The following TRIM23 variants were observed in gnomAD, a reference collection of about 807,000 sequenced individuals.
TRIM23 encodes the protein tripartite motif containing 23.
Under a neutral mutation model 71.0 loss-of-function variants are expected in TRIM23, and 27 were observed. That is an observed-to-expected ratio of 0.38 (90% CI 0.28 to 0.52). The LOEUF (loss-of-function observed/expected upper bound fraction) is 0.52. TRIM23 is among the 20% of genes least tolerant of loss of function. The pLI, the probability that TRIM23 is intolerant of heterozygous loss-of-function variation, is 0.84. For synonymous variants in TRIM23, 234 were observed against 238.0 expected (o/e 0.98, Z 0.16); for missense variants, 482 against 692.3 (o/e 0.70, Z 3.41).
chr5:65,624,327 CG>C lies in TRIM23; in HGVS notation c.-54del. The C allele has an allele frequency of 1.3e-6, 2 of 1,594,572 alleles. No homozygotes were observed. Among genetic ancestry groups the C allele is most frequent in the Non-Finnish European group, 8.5e-7 (1 of 1,171,420 alleles). ...GCCTTCAGAGTCCTCAACTGAGAGG[CG>C]GGGTTGAGCCACCTACCCAGAGGCC... On this transcript the variant is annotated 5_prime_UTR_variant, in exon 1 of 11. Transcript: ENST00000231524.
chr5:65,604,991 A>C lies in TRIM23; in HGVS notation c.1099T>G (p.Leu367Val). The change falls in exon 7 of 11, where the codon TTG becomes GTG. Residue 367 changes from leucine to valine, a missense_variant. Transcript: ENST00000231524. ...GTAAACTGCTGCTGCTGTTTCTGCA[A>C]TGTTTCCAGTAACCTTGTAATTTCC... is the stretch of plus-strand genomic sequence containing the variant. ...KQEITRLLET[L>V]QKQQQQFTEV... 1 of 1,614,002 alleles carries C rather than the reference A, an allele frequency of 6.2e-7. No homozygotes were observed. The highest frequency in any genetic ancestry group is 8.5e-7 in the Non-Finnish European group (1 of 1,179,958).
intron 7 of TRIM23, 88 bp downstream of exon 7, chr5:65,604,823 G>A: frequency 7.8e-7 from 1 of 1,276,116 alleles, no homozygotes; most frequent in Non-Finnish European, 1.0e-6. Flanking sequence ...TGAATTTCAT[G>A]GTTGTCTCTT....
chr5:65,600,369 A>G (rs1433628283), intron 7 of TRIM23, among the ~76,000 whole-genome samples: 2 of 152,194 alleles, frequency 1.3e-5, no homozygotes, highest in African/African-American at 4.8e-5. Flanking sequence ...ACCCTCAGGA[A>G]TAGGGTCACA....
chr5:65,611,575 TC>T (rs762057783), intron 4 of TRIM23, 27 bp downstream of exon 4: 137 of 1,601,156 alleles, frequency 8.6e-5, no homozygotes, highest in Non-Finnish European at 1.1e-4. Flanking sequence ...GCTACAGTGA[TC>T]CAACTGATTA....
intron 6 of TRIM23, among the ~76,000 whole-genome samples, chr5:65,605,905 G>A (rs1354805295): frequency 3.3e-5 from 5 of 152,216 alleles, no homozygotes; most frequent in South Asian, 4.2e-4. Context: ...CATGCCCTAC[G>A]TACAATCTGT....
chr5:65,622,263 T>C (rs1298024299), intron 1 of TRIM23, among the ~76,000 whole-genome samples: 1 of 152,210 alleles, frequency 6.6e-6, no homozygotes, highest in African/African-American at 2.4e-5. Flanking sequence ...CCTCCTGGGT[T>C]CAAGTGATTC....
Position 65,590,594 on chromosome 5 carries a change from C to A in TRIM23, c.*1175G>T. On this transcript the variant is annotated 3_prime_UTR_variant, in exon 11 of 11. Coordinates refer to ENST00000231524, the MANE Select transcript of TRIM23 (RefSeq NM_001656.4). ...TACCTATTTAAATAAATCGTGCTTC[C>A]ATAATAATATTCTTTAAAAATGAAA... 2 of 1,012,182 alleles carry A rather than the reference C, an allele frequency of 2.0e-6. No individual in the cohort carries two copies. Among genetic ancestry groups the A allele is most frequent in the African/African-American group, 1.7e-5 (1 of 58,644 alleles). The allele number at this position is 1,012,182 out of a possible 1,614,324, so 62.7% of individuals were successfully genotyped here.
At chr5:65,592,088 T>G (rs154856) in intron 10 of TRIM23, 140 bp from the exon 11 acceptor site, 467,583 of 746,668 alleles carry the variant, frequency 0.63, 148,755 homozygotes, top group South Asian at 0.66. Flanking sequence ...TCAGTAATTA[T>G]TCTGAGATTA....
Position 65,621,676 on chromosome 5 carries a change from T to C in TRIM23, c.81+2518A>G, listed in dbSNP as rs140271946. ...CAAGAAAATATTTCCTCAGTATCTA[T>C]AAATAGGAATTGTGGTTAACAGCAA... On this transcript the variant is annotated intron_variant, in intron 1 of 10. Transcript: ENST00000231524. Among the ~76,000 whole-genome samples, 1,138 of 152,240 alleles carry C rather than the reference T, an allele frequency of 7.5e-3. 6 individuals carry two copies. Among genetic ancestry groups the C allele is most frequent in the Non-Finnish European group, 0.012 (816 of 68,014 alleles).
chr5:65,611,641 A>G lies in TRIM23; in HGVS notation c.607T>C (p.Cys203Arg). 6.2e-7 allele frequency: 1 copy of G among 1,614,198 alleles called. No homozygotes were observed. Among genetic ancestry groups the G allele is most frequent in the Non-Finnish European group, 8.5e-7 (1 of 1,180,028 alleles). Residue 203 changes from cysteine to arginine, a missense_variant, in exon 4 of 11, where the codon TGT (cysteine) becomes CGT (arginine). Physicochemically the swap from Cys to Arg is radical, Grantham distance 180 (BLOSUM62 -3). Coordinates refer to ENST00000231524, the MANE Select transcript of TRIM23 (RefSeq NM_001656.4). ...EGCQTSPLMC[C>R]VCKEYGKHQG... is the part of the protein sequence containing the mutation. Reference sequence around the variant, plus strand: ...TGTTTTCCATATTCTTTGCAGACACAGCACATGAGTGGGCTAGTTTGACAA... The same window carrying G: ...TGTTTTCCATATTCTTTGCAGACACGGCACATGAGTGGGCTAGTTTGACAA...
rs1481340105 is a variant in TRIM23 at position 65,624,283 on chromosome 5, G to A, written c.-9C>T. On this transcript the variant is annotated 5_prime_UTR_variant, in exon 1 of 11. Transcript: ENST00000231524. ...ACAACCAGGGTAGCCATCCTCGCAG[G>A]GGAAGCGCCACAGAAACAGCCTTCA... 1.9e-6 allele frequency: 3 copies of A among 1,613,820 alleles called. No homozygotes were observed. The highest frequency in any genetic ancestry group is 2.2e-5 in the South Asian group (2 of 91,080).
At position 65,614,148 on chromosome 5, in the gene TRIM23, G is replaced by T. The variant is rs750814747; in HGVS notation, c.316C>A (p.Pro106Thr). 1 of 1,613,840 alleles carries T rather than the reference G, an allele frequency of 6.2e-7. No homozygotes were observed. The highest frequency in any genetic ancestry group is 1.1e-5 in the South Asian group (1 of 91,062). The change falls in exon 3 of 11, where the codon CCT becomes ACT. Residue 106 changes from proline to threonine, a missense_variant. By Grantham distance (38) the Pro-to-Thr change is conservative (BLOSUM62 -1). Coordinates refer to ENST00000231524, the MANE Select transcript of TRIM23 (RefSeq NM_001656.4). Reference sequence around the variant, plus strand: ...TCTGCAGCTCCATACTGACCAATAGGCCCATTCTGCAGTCGTTCCAAAAGC... The same window carrying T: ...TCTGCAGCTCCATACTGACCAATAGTCCCATTCTGCAGTCGTTCCAAAAGC... ...LELLERLQNG[P>T]IGQYGAAEES... is the part of the protein sequence containing the mutation.
intron 1 of TRIM23, among the ~76,000 whole-genome samples, 180 bp downstream of exon 1, chr5:65,624,014 C>T (rs1259172871): frequency 1.3e-5 from 2 of 152,200 alleles, no homozygotes; most frequent in Non-Finnish European, 2.9e-5. Flanking sequence ...GAAGACCAGG[C>T]AATTTCAGGC....
Position 65,610,904 on chromosome 5 carries a change from TCTC to T in TRIM23, c.782_784del (p.Gly261del), listed in dbSNP as rs560999341. On this transcript the variant is annotated inframe_deletion, in exon 5 of 11. Coordinates refer to ENST00000231524, the MANE Select transcript of TRIM23 (RefSeq NM_001656.4). ...TCCAATTCCATCTTCCACGATTTGT[TCTC>T]CTCCTTCAATGTGCTGCACAATTCC... 4.0e-4 allele frequency: 640 copies of T among 1,612,968 alleles called. 10 individuals are homozygous for T. In the South Asian group the frequency reaches 6.8e-3, roughly 17 times the overall value.
intron 1 of TRIM23, among the ~76,000 whole-genome samples, chr5:65,623,572 C>T (rs1313884928): frequency 1.3e-5 from 2 of 152,176 alleles, no homozygotes; most frequent in African/African-American, 4.8e-5. Context: ...AATTCATAAA[C>T]TCTATCGTTA....
In TRIM23 at chr5:65,591,664, TA is replaced by T; in HGVS notation, c.*104del. Reference sequence around the variant, plus strand: ...ATTCCTTTATATATATATATATATATATGCATCCTAAATTACCATCTTTTGA... The same window carrying T: ...ATTCCTTTATATATATATATATATATTGCATCCTAAATTACCATCTTTTGA... On this transcript the variant is annotated 3_prime_UTR_variant, in exon 11 of 11. Transcript: ENST00000231524. 9.6e-7 allele frequency: 1 copy of T among 1,038,952 alleles called. No individual in the cohort carries two copies. Among genetic ancestry groups the T allele is most frequent in the Non-Finnish European group, 1.3e-6 (1 of 779,424 alleles). The allele number at this position is 1,038,952 out of a possible 1,614,324, so 64.4% of individuals were successfully genotyped here. A position where few individuals can be genotyped will look rare whatever the true frequency, so the allele number is the denominator to read the frequency against.
At chr5:65,600,663 T>C (rs1754339242) in intron 7 of TRIM23, among the ~76,000 whole-genome samples, 1 of 146,850 alleles carries the variant, frequency 6.8e-6, no homozygotes, top group Admixed American at 6.8e-5. Flanking sequence ...TACATCAAAT[T>C]TACAATTTTT....
intron 10 of TRIM23, among the ~76,000 whole-genome samples, chr5:65,594,215 A>G (rs1754127944): frequency 1.3e-5 from 2 of 152,238 alleles, no homozygotes; most frequent in South Asian, 2.1e-4. Flanking sequence ...AACATGCCAC[A>G]TTTAGAACTA....
At position 65,614,239 on chromosome 5, in the gene TRIM23, A is replaced by C. The variant is rs761411426; in HGVS notation, c.245-20T>G. The C allele has an allele frequency of 5.0e-6, 8 of 1,605,958 alleles. No individual in the cohort carries two copies. On this transcript the variant is annotated intron_variant, in intron 2 of 10. Coordinates refer to ENST00000231524, the MANE Select transcript of TRIM23 (RefSeq NM_001656.4). ...AATCACCTAGAATAAATATAAAAAC[A>C]AAAACTAAATCTAACAAAATGGACT...
Sources: allele counts gnomAD v4.1 joint callset (sites outside exome capture counted in the v4.1 genomes callset), GRCh38; gene constraint gnomAD v4.1.1; transcripts MANE v1.5; gene names NCBI Gene and HGNC (gene_info 2026-07-23, HGNC 2026-07-21).